Variants in CCM2L observed in about 807,000 individuals in gnomAD.
The protein encoded by CCM2L is cerebral cavernous malformations 2 protein-like.
Under a neutral mutation model 54.1 loss-of-function variants are expected in CCM2L, and 36 were observed. The ratio of observed to expected loss-of-function variants is 0.67; its 90% confidence interval spans 0.51 to 0.88. The LOEUF (loss-of-function observed/expected upper bound fraction) is 0.88. Ranked by LOEUF, CCM2L falls within the 40% of genes least tolerant of loss-of-function variation. CCM2L has a pLI of 0.00. For synonymous variants in CCM2L, 351 were observed against 359.3 expected (o/e 0.98, Z 0.26); for missense variants, 700 against 812.1 (o/e 0.86, Z 1.68).
rs1281544373 is a variant in CCM2L at position 32,017,959 on chromosome 20, A to G, written c.283-20A>G. On this transcript the variant is annotated intron_variant, in intron 3 of 9. Transcript: ENST00000452892. Reference sequence around the variant, plus strand: ...TCTACCTGCGGACCTCGGGAACTCGAGATCTGCCCCTCCCTGCAGCAGCTG... The same window carrying G: ...TCTACCTGCGGACCTCGGGAACTCGGGATCTGCCCCTCCCTGCAGCAGCTG... The G allele has an allele frequency of 6.2e-7, 1 of 1,613,368 alleles. No individual in the cohort carries two copies.
rs1216166637 is a variant in CCM2L at position 32,019,055 on chromosome 20, G to A, written c.579G>A (p.Glu193=). ...APEKRRVGTA[E]RRHTICSLDW... ...AGAAGCGGCGGGTGGGCACCGCGGA[G>A]CGGCGCCACACCATCTGCAGCCTGG... Residue 193 remains glutamate, a synonymous_variant, in exon 5 of 10, where the codon GAG becomes GAA. Transcript: ENST00000452892. The A allele has an allele frequency of 4.6e-6, 6 of 1,295,274 alleles. No individual in the cohort carries two copies. The highest frequency in any genetic ancestry group is 5.8e-6 in the Non-Finnish European group (6 of 1,028,324). The allele number at this position is 1,295,274 out of a possible 1,614,324, so 80.2% of individuals were successfully genotyped here.
At chr20:32,023,164 G>C (rs1340519502) in intron 6 of CCM2L, among the ~76,000 whole-genome samples, 1 of 151,898 alleles carries the variant, frequency 6.6e-6, no homozygotes, top group Non-Finnish European at 1.5e-5. Context: ...TAGAGACGGG[G>C]TTTCACCGTC....
chr20:32,013,987 T>C (rs897579850), intron 1 of CCM2L, among the ~76,000 whole-genome samples: 1 of 152,186 alleles, frequency 6.6e-6, no homozygotes, highest in African/African-American at 2.4e-5. Flanking sequence ...CTGTTCTAGA[T>C]GGAACTCAAA....
At position 32,032,111 on chromosome 20, in the gene CCM2L, G is replaced by A. The variant is rs1375020308; in HGVS notation, c.*797G>A. 1 of 152,180 alleles carries A rather than the reference G, an allele frequency of 6.6e-6. No homozygotes were observed. The highest frequency in any genetic ancestry group is 1.5e-5 in the Non-Finnish European group (1 of 68,048). The allele number at this position is 152,180 out of a possible 1,614,324, so 9.4% of individuals were successfully genotyped here. On this transcript the variant is annotated 3_prime_UTR_variant, in exon 10 of 10. Transcript: ENST00000452892. ...CAGGGTGGCCACAGGGATTACTGAG[G>A]GTTAAGACCTTAGAACTGGGTCTAG...
At position 32,031,153 on chromosome 20, in the gene CCM2L, G is replaced by T. The variant is rs919863944; in HGVS notation, c.1555G>T (p.Asp519Tyr). Residue 519 changes from aspartate (D) to tyrosine (Y), a missense_variant, in exon 10 of 10, where the codon GAT becomes TAT. Physicochemically the swap from Asp to Tyr is radical, Grantham distance 160. Coordinates refer to ENST00000452892, the MANE Select transcript of CCM2L (RefSeq NM_001365692.1). Reference sequence around the variant, plus strand: ...GTCGGCCTCCGCAGTGCGCAGCTACGATGGCGCGGCGCAGCGGCCCGAGGC... The same window carrying T: ...GTCGGCCTCCGCAGTGCGCAGCTACTATGGCGCGGCGCAGCGGCCCGAGGC... Reference protein sequence around the residue: ...STSASAVRSYDGAAQRPEAQA... With the variant: ...STSASAVRSYYGAAQRPEAQA... 7.7e-7 allele frequency: 1 copy of T among 1,303,252 alleles called. No individual in the cohort carries two copies. Among genetic ancestry groups the T allele is most frequent in the Admixed American group, 2.3e-5 (1 of 43,536 alleles). 80.7% of individuals were successfully genotyped at this position (1,303,252 alleles called of 1,614,324 possible).
intron 2 of CCM2L, among the ~76,000 whole-genome samples, chr20:32,017,098 A>G (rs2064747191): frequency 6.6e-6 from 1 of 152,342 alleles, no homozygotes; most frequent in South Asian, 2.1e-4. Context: ...CAGTGAGCTG[A>G]TATCTTGCCA....
In CCM2L at chr20:32,031,270, G is replaced by T; in HGVS notation, c.1672G>T (p.Gly558Cys). ...CGACGACGACGAGGATGAGCCCCGG[G>T]GCTCCAGGGGCGGGAGCGACGCCGC... ...DDDDDEDEPR[G>C]SRGGSDAAED... is the part of the protein sequence containing the mutation. Residue 558 changes from glycine to cysteine, a missense_variant, in exon 10 of 10, where the codon GGC becomes TGC. Gly to Cys is a radical substitution (Grantham distance 159, BLOSUM62 -3). Transcript: ENST00000452892. 7.7e-7 allele frequency: 1 copy of T among 1,294,742 alleles called. No individual in the cohort carries two copies. The highest frequency in any genetic ancestry group is 1.0e-6 in the Non-Finnish European group (1 of 988,022). 80.2% of individuals were successfully genotyped at this position (1,294,742 alleles called of 1,614,324 possible). A position where few individuals can be genotyped will look rare whatever the true frequency, so the allele number is the denominator to read the frequency against.
chr20:32,024,291 T>C (rs1191557898), intron 6 of CCM2L, among the ~76,000 whole-genome samples: 2 of 152,356 alleles, frequency 1.3e-5, no homozygotes, highest in East Asian at 3.9e-4. Context: ...CTGTGGGAGC[T>C]GTGCTTGTTG....
rs774556996 is a variant in CCM2L, at chr20:32,017,828, C to T, written c.227C>T (p.Ser76Phe). ...KFLGHLTWVT[S>F]SLNPSSRDEL... is the part of the protein sequence containing the mutation. ...CTGGGCCACCTTACCTGGGTGACTT[C>T]CTCACTGAACCCCTCCAGTCGGGAC... Residue 76 changes from serine to phenylalanine, a missense_variant, in exon 3 of 10, where the codon TCC becomes TTC. By Grantham distance (155) the Ser-to-Phe change is radical. Transcript: ENST00000452892. 1.1e-5 allele frequency: 18 copies of T among 1,614,146 alleles called. No individual in the cohort carries two copies. Among genetic ancestry groups the T allele is most frequent in the Non-Finnish European group, 1.4e-5 (17 of 1,180,030 alleles).
rs769297558 is a variant in CCM2L, at chr20:32,017,934, T to C, written c.283-45T>C. On this transcript the variant is annotated intron_variant, in intron 3 of 9. Transcript: ENST00000452892. ...CAGGATCTCGCTCCCTTCTCCCTCT[T>C]CTACCTGCGGACCTCGGGAACTCGA... 1.1e-5 allele frequency: 17 copies of C among 1,613,096 alleles called. No homozygotes were observed. In the East Asian group the frequency reaches 3.6e-4, roughly 34 times the overall value.
chr20:32,028,903 T>G (rs188167511), intron 7 of CCM2L, 92 bp from the exon 8 acceptor site: 1 of 1,523,428 alleles, frequency 6.6e-7, no homozygotes, highest in African/African-American at 1.4e-5. Flanking sequence ...GAGGCCAGCA[T>G]GCAGTCTAGG....
Position 32,019,358 on chromosome 20 carries a change from C to T in CCM2L, c.882C>T (p.Asp294=), listed in dbSNP as rs751986468. 6.6e-7 allele frequency: 1 copy of T among 1,512,060 alleles called. No individual in the cohort carries two copies. Among genetic ancestry groups the T allele is most frequent in the Non-Finnish European group, 8.8e-7 (1 of 1,137,514 alleles). The allele number at this position is 1,512,060 out of a possible 1,614,324, so 93.7% of individuals were successfully genotyped here. The change falls in exon 5 of 10, where the codon GAC becomes GAT. Residue 294 remains aspartate (D), a synonymous_variant. Transcript: ENST00000452892. ...GCCCCAACCCGCTCGACCCGCAGGA[C>T]CCCAGCCCCGACGCCTACTGCAACC... ...HPGPNPLDPQ[D]PSPDAYCNLV...
intron 8 of CCM2L, 86 bp downstream of exon 8, chr20:32,029,210 C>T (rs746483549): frequency 1.7e-5 from 27 of 1,573,302 alleles, no homozygotes; most frequent in Non-Finnish European, 2.4e-5. Flanking sequence ...TTGCCCTGGA[C>T]ATAACCTAAG....
At position 32,018,049 on chromosome 20, in the gene CCM2L, T is replaced by G; in HGVS notation, c.353T>G (p.Leu118Arg). ...DSILSLSARCLLLTWRDNEEL... is the reference protein window; with the variant it reads ...DSILSLSARCRLLTWRDNEEL... ...ATCCTGAGCCTGTCTGCCCGCTGCC[T>G]GCTGCTCACCTGGCGCGACAATGAA... The change falls in exon 4 of 10, where the codon CTG (leucine) becomes CGG (arginine). Residue 118 changes from leucine (L) to arginine (R), a missense_variant. By Grantham distance (102) the Leu-to-Arg change is moderately radical. Transcript: ENST00000452892. 1 of 1,613,774 alleles carries G rather than the reference T, an allele frequency of 6.2e-7. No homozygotes were observed. Among genetic ancestry groups the G allele is most frequent in the Non-Finnish European group, 8.5e-7 (1 of 1,179,976 alleles).
In CCM2L at chr20:32,031,262, A is replaced by T. The variant is rs747035577; in HGVS notation, c.1664A>T (p.Glu555Val). The T allele has an allele frequency of 7.7e-7, 1 of 1,296,898 alleles. No individual in the cohort carries two copies. The highest frequency in any genetic ancestry group is 1.2e-5 in the South Asian group (1 of 80,988). The allele number at this position is 1,296,898 out of a possible 1,614,324, so 80.3% of individuals were successfully genotyped here. A position where few individuals can be genotyped will look rare whatever the true frequency, so the allele number is the denominator to read the frequency against. ...GATGACGACGACGACGACGAGGATGAGCCCCGGGGCTCCAGGGGCGGGAGC... is the reference window on the plus strand; with the variant it reads ...GATGACGACGACGACGACGAGGATGTGCCCCGGGGCTCCAGGGGCGGGAGC... Reference protein sequence around the residue: ...APDDDDDDEDEPRGSRGGSDA... With the variant: ...APDDDDDDEDVPRGSRGGSDA... Residue 555 changes from glutamate to valine, a missense_variant, in exon 10 of 10, where the codon GAG becomes GTG. Physicochemically the swap from Glu to Val is moderately radical, Grantham distance 121. Coordinates refer to ENST00000452892, the MANE Select transcript of CCM2L (RefSeq NM_001365692.1).
chr20:32,017,243 A>T (rs1459885488), intron 2 of CCM2L, among the ~76,000 whole-genome samples: 6 of 152,232 alleles, frequency 3.9e-5, no homozygotes, highest in African/African-American at 1.4e-4. Context: ...ATTTTTCCTG[A>T]CAAAATGGTA....
intron 7 of CCM2L, chr20:32,027,889 TGAA>T (rs1185764899): frequency 6.6e-6 from 1 of 152,194 alleles, no homozygotes; most frequent in Non-Finnish European, 1.5e-5. Flanking sequence ...GTTCAACAAA[TGAA>T]GAAAACCAAA....
chr20:32,013,452 T>C (rs1390703863), intron 1 of CCM2L, among the ~76,000 whole-genome samples: 1 of 152,072 alleles, frequency 6.6e-6, no homozygotes, highest in African/African-American at 2.4e-5. Context: ...GTTGTTTGTT[T>C]TGTTCCTTCG....
In CCM2L at chr20:32,019,292, G is replaced by T; in HGVS notation, c.816G>T (p.Ala272=). The change falls in exon 5 of 10, where the codon GCG becomes GCT. Residue 272 remains alanine, a synonymous_variant. Coordinates refer to ENST00000452892, the MANE Select transcript of CCM2L (RefSeq NM_001365692.1). The part of the protein sequence containing the change: ...KPGGSWERRQ[A]GSGGGGSWER... ...GCGGTAGCTGGGAGCGGAGGCAGGC[G>T]GGCAGCGGCGGGGGAGGCAGCTGGG... 7.8e-7 allele frequency: 1 copy of T among 1,280,124 alleles called. No individual in the cohort carries two copies. The highest frequency in any genetic ancestry group is 9.9e-7 in the Non-Finnish European group (1 of 1,013,436). The allele number at this position is 1,280,124 out of a possible 1,614,324, so 79.3% of individuals were successfully genotyped here.
Sources: gnomAD v4.1 joint callset for allele counts (sites outside exome capture counted in the v4.1 genomes callset) on GRCh38, gnomAD v4.1.1 for gene constraint, MANE v1.5 for transcripts, NCBI Gene and HGNC (gene_info 2026-07-23, HGNC 2026-07-21) for gene names.